DHX40: variants seen among roughly 807,000 people sequenced by gnomAD.
DHX40 encodes the protein DEAH-box helicase 40.
Under a neutral mutation model 89.6 loss-of-function variants are expected in DHX40, and 28 were observed. That is an observed-to-expected ratio of 0.31 (90% CI 0.23 to 0.43). The LOEUF (loss-of-function observed/expected upper bound fraction) is 0.43. DHX40 is among the 20% of genes least tolerant of loss of function. DHX40 has a pLI of 1.00. For missense variants in DHX40, 457 were observed against 844.0 expected, an observed-to-expected ratio of 0.54 and a Z score of 5.68; for synonymous variants, 226 against 283.6, an observed-to-expected ratio of 0.80 and a Z score of 2.04.
chr17:59,599,545 G>C, intron 14 of DHX40, 62 bp downstream of exon 14: 2 of 1,518,298 alleles, frequency 1.3e-6, no homozygotes, highest in South Asian at 2.4e-5. Flanking sequence ...TCATATTGAA[G>C]TTTCATTGAT....
intron 12 of DHX40, among the ~76,000 whole-genome samples, chr17:59,589,269 T>C (rs2049046518): frequency 7.4e-6 from 1 of 135,306 alleles, no homozygotes; most frequent in Non-Finnish European, 1.5e-5. Context: ...TCACCCGGGC[T>C]GGAGTGCAGT....
intron 7 of DHX40, among the ~76,000 whole-genome samples, chr17:59,576,499 T>C (rs1479787751): frequency 2.6e-5 from 4 of 152,174 alleles, no homozygotes; most frequent in African/African-American, 9.6e-5. Flanking sequence ...GTGATTCTTA[T>C]CCCTATATTA....
chr17:59,577,091 G>C (rs1048082302), intron 7 of DHX40, 175 bp from the exon 8 acceptor site: 6 of 645,764 alleles, frequency 9.3e-6, no homozygotes, highest in Admixed American at 6.5e-5. Flanking sequence ...GGATGGTCTC[G>C]ATATCCTGAC....
chr17:59,570,759 C>G, intron 3 of DHX40, 96 bp downstream of exon 3: 1 of 1,290,004 alleles, frequency 7.8e-7, no homozygotes, highest in Non-Finnish European at 1.0e-6. Flanking sequence ...TCATGGCTCT[C>G]TGTAGCCTCT....
At chr17:59,601,918 CT>C (rs952576653) in intron 14 of DHX40, among the ~76,000 whole-genome samples, 17 of 152,194 alleles carry the variant, frequency 1.1e-4, no homozygotes, top group African/African-American at 4.1e-4. Flanking sequence ...ACATGAATTA[CT>C]GTAGTGTAGT....
chr17:59,595,374 A>C (rs1174060188), intron 12 of DHX40, among the ~76,000 whole-genome samples: 1 of 152,102 alleles, frequency 6.6e-6, no homozygotes, highest in Non-Finnish European at 1.5e-5. Context: ...TGAGCCATGC[A>C]CTCGGCCAAT....
At chr17:59,599,040 T>G (rs1361902664) in intron 13 of DHX40, among the ~76,000 whole-genome samples, 189 bp downstream of exon 13, 2 of 152,212 alleles carry the variant, frequency 1.3e-5, no homozygotes, top group Non-Finnish European at 2.9e-5. Context: ...TAACATTGAT[T>G]CTCTTCTTTT....
chr17:59,575,072 T>C lies in DHX40; in HGVS notation c.842-268T>C, dbSNP rs575808569. 3.3e-5 allele frequency among the ~76,000 whole-genome samples: 5 copies of C among 151,928 alleles called. No individual in the cohort carries two copies. In the South Asian group the frequency reaches 6.2e-4, roughly 19 times the overall value. On this transcript the variant is annotated intron_variant, in intron 6 of 17. Coordinates refer to ENST00000251241, the MANE Select transcript of DHX40 (RefSeq NM_024612.5). ...CTTTTCTCCTTTGTTAACAATTTGG[T>C]GAGTCTTCTCAAATACAGGGTGAAA...
At position 59,593,996 on chromosome 17, in the gene DHX40, C is replaced by A. The variant is rs538292492; in HGVS notation, c.1583-4741C>A. Among the ~76,000 whole-genome samples the A allele has an allele frequency of 6.5e-3, 992 of 151,478 alleles. 2 individuals carry two copies. The highest frequency in any genetic ancestry group is 0.01 in the Non-Finnish European group (707 of 67,880). On this transcript the variant is annotated intron_variant, in intron 12 of 17. Transcript: ENST00000251241. ...ATGTTTTCACCTTTTACTGTTGAAT[C>A]TGTGTTTCTGGTTAGGAGACTACTT...
chr17:59,595,363 G>A (rs545436607), intron 12 of DHX40, among the ~76,000 whole-genome samples: 43 of 152,256 alleles, frequency 2.8e-4, no homozygotes, highest in Admixed American at 2.0e-3. Context: ...GATTACAGGC[G>A]TGAGCCATGC....
intron 7 of DHX40, 197 bp from the exon 8 acceptor site, chr17:59,577,069 C>T (rs1200757336): frequency 1.6e-6 from 1 of 607,962 alleles, no homozygotes; most frequent in Non-Finnish European, 3.0e-6. Context: ...CAGGGTCTCA[C>T]CATGTTAGCC....
intron 8 of DHX40, among the ~76,000 whole-genome samples, chr17:59,577,743 G>A (rs2523379): frequency 3.0e-4 from 45 of 152,242 alleles, no homozygotes; most frequent in Middle Eastern, 3.4e-3. Context: ...ATGTGTCACC[G>A]TACTTGGCTG....
chr17:59,570,114 TATA>T (rs1339291049), intron 2 of DHX40, among the ~76,000 whole-genome samples: 2 of 130,750 alleles, frequency 1.5e-5, no homozygotes, highest in Non-Finnish European at 3.1e-5. Flanking sequence ...TATAATATAT[TATA>T]ATGTATATTT....
Position 59,573,122 on chromosome 17 carries a change from G to A in DHX40, c.433G>A (p.Ala145Thr), listed in dbSNP as rs778705834. 22 of 1,606,566 alleles carry A rather than the reference G, an allele frequency of 1.4e-5. No homozygotes were observed. The highest frequency in any genetic ancestry group is 6.9e-5 in the Admixed American group (4 of 58,110). Residue 145 changes from alanine (A) to threonine (T), a missense_variant, in exon 4 of 18, where the codon GCA (alanine) becomes ACA (threonine). Around this residue, in one of 9 missense-constraint regions of DHX40, gnomAD observed 61 missense variants for 100.4 expected, o/e 0.61. Transcript: ENST00000251241. The part of the protein sequence containing the change: ...RFDDCSSKET[A>T]IKYMTDGCLL... The stretch of plus-strand genomic sequence containing the variant: ...ACTGCTGTTTGAACATTAGGAGACA[G>A]CAATCAAATATATGACTGATGGATG...
intron 3 of DHX40, among the ~76,000 whole-genome samples, chr17:59,572,437 G>A (rs1353074914): frequency 6.6e-6 from 1 of 152,176 alleles, no homozygotes; most frequent in African/African-American, 2.4e-5. Flanking sequence ...GGAGTGCAAT[G>A]GCGTGATCTC....
intron 7 of DHX40, among the ~76,000 whole-genome samples, chr17:59,576,582 T>C (rs903416127): frequency 4.6e-5 from 7 of 152,170 alleles, no homozygotes; most frequent in African/African-American, 1.7e-4. Context: ...TATGATGATA[T>C]TAGCTTCTTA....
chr17:59,606,623 G>A (rs980344885), intron 17 of DHX40, among the ~76,000 whole-genome samples: 6 of 151,938 alleles, frequency 3.9e-5, no homozygotes, highest in Non-Finnish European at 7.4e-5. Context: ...GCGGGCGCCT[G>A]TAGTCCCAGC....
At position 59,587,792 on chromosome 17, in the gene DHX40, G is replaced by T. The variant is rs938571186; in HGVS notation, c.1425-104G>T. 17 of 1,494,308 alleles carry T rather than the reference G, an allele frequency of 1.1e-5. No individual in the cohort carries two copies. In the African/African-American group the frequency reaches 2.0e-4, roughly 17 times the overall value. The allele number at this position is 1,494,308 out of a possible 1,614,324, so 92.6% of individuals were successfully genotyped here. A position where few individuals can be genotyped will look rare whatever the true frequency, so the allele number is the denominator to read the frequency against. ...TAAATTGAATTGAACTTCTGGAGGTGATTGGAGGTAACGTAAATTATATCT... is the reference window on the plus strand; with the variant it reads ...TAAATTGAATTGAACTTCTGGAGGTTATTGGAGGTAACGTAAATTATATCT... On this transcript the variant is annotated intron_variant, in intron 11 of 17. Coordinates refer to ENST00000251241, the MANE Select transcript of DHX40 (RefSeq NM_024612.5).
chr17:59,600,998 A>G (rs1340071303), intron 14 of DHX40, among the ~76,000 whole-genome samples: 1 of 151,458 alleles, frequency 6.6e-6, no homozygotes, highest in African/African-American at 2.4e-5. Flanking sequence ...CTCCATAACC[A>G]TTCAACAATA....
Sources: gnomAD v4.1 joint callset for allele counts (sites outside exome capture counted in the v4.1 genomes callset) on GRCh38, gnomAD v4.1.1 for gene constraint, gnomAD v4.1.1 regional missense constraint, MANE v1.5 for transcripts, NCBI Gene and HGNC (gene_info 2026-07-23, HGNC 2026-07-21) for gene names.